The following CDH12 variants were observed in gnomAD, a reference collection of about 807,000 sequenced individuals.
CDH12 encodes the protein cadherin-12.
CDH12 carries 41 observed loss-of-function variants against 74.1 expected under a neutral mutation model. That is an observed-to-expected ratio of 0.55 (90% CI 0.43 to 0.72). The LOEUF (loss-of-function observed/expected upper bound fraction) is 0.72. Among genes scored for constraint, CDH12 ranks in the 30% least tolerant of loss-of-function variants. The pLI, the probability that CDH12 is intolerant of heterozygous loss-of-function variation, is 0.00. For missense variants in CDH12, 945 were observed against 977.2 expected (o/e 0.97, Z 0.44); for synonymous variants, 399 against 355.0 (o/e 1.12, Z -1.39).
chr5:22,689,944 C>A (rs963670893), intron 1 of CDH12, among the ~76,000 whole-genome samples: 2 of 151,820 alleles, frequency 1.3e-5, no homozygotes, highest in African/African-American at 4.8e-5. Context: ...TTTTTAACCC[C>A]AAATTTGAAT....
intron 5 of CDH12, among the ~76,000 whole-genome samples, chr5:21,996,717 CA>C (rs1736324616): frequency 6.6e-6 from 1 of 151,952 alleles, no homozygotes; most frequent in Non-Finnish European, 1.5e-5. Flanking sequence ...AAAAATAAAA[CA>C]AGTTTTGTTT....
intron 3 of CDH12, among the ~76,000 whole-genome samples, chr5:22,385,583 A>T (rs1741962544): frequency 6.6e-6 from 1 of 152,220 alleles, no homozygotes; most frequent in Non-Finnish European, 1.5e-5. Context: ...GTAATCATTA[A>T]AAGAAATGAG....
At chr5:21,799,000 A>G (rs950164623) in intron 10 of CDH12, among the ~76,000 whole-genome samples, 1 of 152,186 alleles carries the variant, frequency 6.6e-6, no homozygotes, top group Non-Finnish European at 1.5e-5. Context: ...GTTCAAGGAT[A>G]TTCTGTTAAA....
chr5:22,319,588 G>A (rs1738776611), intron 3 of CDH12, among the ~76,000 whole-genome samples: 1 of 152,124 alleles, frequency 6.6e-6, no homozygotes, highest in Non-Finnish European at 1.5e-5. Context: ...ATAAAATCAG[G>A]AGGTTCATCA....
chr5:22,642,278 T>C (rs555268959), intron 1 of CDH12, among the ~76,000 whole-genome samples: 6 of 152,284 alleles, frequency 3.9e-5, no homozygotes, highest in African/African-American at 1.2e-4. Context: ...TATAGAGACA[T>C]TTGATGTCCT....
chr5:22,652,062 T>G (rs562030050), intron 1 of CDH12, among the ~76,000 whole-genome samples: 1 of 152,074 alleles, frequency 6.6e-6, no homozygotes, highest in African/African-American at 2.4e-5. Context: ...ACTTCTAGGA[T>G]AGAATTCATA....
intron 3 of CDH12, among the ~76,000 whole-genome samples, chr5:22,265,183 C>T (rs189515309): frequency 6.6e-6 from 1 of 152,062 alleles, no homozygotes; most frequent in East Asian, 1.9e-4. Context: ...AAATGGGGTA[C>T]CCATTATGTA....
At chr5:22,047,060 C>T (rs1054423276) in intron 5 of CDH12, among the ~76,000 whole-genome samples, 1 of 152,158 alleles carries the variant, frequency 6.6e-6, no homozygotes, top group African/African-American at 2.4e-5. Flanking sequence ...ACTACTCAGT[C>T]ACAGTCTACA....
At position 22,035,046 on chromosome 5, in the gene CDH12, C is replaced by T. The variant is rs758130298; in HGVS notation, c.231+43400G>A. ...TGACATTATTTGAGGATCTGCTGTA[C>T]GTTTTTTCACTTCAAGTTGTGGTTT... On this transcript the variant is annotated intron_variant, in intron 5 of 14. Transcript: ENST00000382254. 4.6e-5 allele frequency among the ~76,000 whole-genome samples: 7 copies of T among 152,118 alleles called. No homozygotes were observed. In the South Asian group the frequency reaches 8.3e-4, roughly 18 times the overall value.
At chr5:21,919,083 C>G (rs967902898) in intron 6 of CDH12, among the ~76,000 whole-genome samples, 5 of 152,078 alleles carry the variant, frequency 3.3e-5, no homozygotes, top group African/African-American at 9.7e-5. Flanking sequence ...AATATGATAA[C>G]TGATATAAAT....
chr5:21,766,855 T>C (rs1340198389), intron 11 of CDH12, among the ~76,000 whole-genome samples: 1 of 151,880 alleles, frequency 6.6e-6, no homozygotes, highest in Non-Finnish European at 1.5e-5. Flanking sequence ...GCAACTATGA[T>C]ATAGGCATTA....
At chr5:21,891,063 A>G (rs1412919058) in intron 6 of CDH12, among the ~76,000 whole-genome samples, 1 of 152,092 alleles carries the variant, frequency 6.6e-6, no homozygotes, top group Non-Finnish European at 1.5e-5. Flanking sequence ...ATATGTCAAT[A>G]TATCTACCAC....
intron 8 of CDH12, among the ~76,000 whole-genome samples, chr5:21,831,782 T>C (rs927878507): frequency 2.0e-5 from 3 of 152,104 alleles, no homozygotes; most frequent in African/African-American, 7.2e-5. Flanking sequence ...TAGAAGAGCT[T>C]TCCAATTCAG....
At chr5:21,821,831 C>A (rs970430766) in intron 8 of CDH12, among the ~76,000 whole-genome samples, 2 of 151,836 alleles carry the variant, frequency 1.3e-5, no homozygotes, top group African/African-American at 4.8e-5. Context: ...TTCAAATGAT[C>A]CTGCATACTT....
intron 1 of CDH12, among the ~76,000 whole-genome samples, chr5:22,667,275 T>A (rs918088151): frequency 6.6e-6 from 1 of 152,208 alleles, no homozygotes; most frequent in Non-Finnish European, 1.5e-5. Flanking sequence ...GTAGAGATGG[T>A]AGTCCCTCTC....
chr5:22,686,686 T>TG (rs1235893824), intron 1 of CDH12, among the ~76,000 whole-genome samples: 1 of 152,280 alleles, frequency 6.6e-6, no homozygotes, highest in East Asian at 1.9e-4. Flanking sequence ...ATCAGTAGGA[T>TG]GGGGGTGATG....
intron 8 of CDH12, among the ~76,000 whole-genome samples, chr5:21,828,100 C>T (rs758479595): frequency 4.6e-5 from 7 of 151,408 alleles, no homozygotes; most frequent in Admixed American, 6.6e-5. Flanking sequence ...TAACACCTTA[C>T]AAAATAAGCT....
At chr5:22,846,623 T>C (rs571583720) in intron 1 of CDH12, among the ~76,000 whole-genome samples, 87 of 152,338 alleles carry the variant, frequency 5.7e-4, no homozygotes, top group Non-Finnish European at 1.1e-3. Flanking sequence ...TGAATTTTGA[T>C]GGATACTGTC....
Position 22,150,911 on chromosome 5 carries a change from C to T in CDH12, c.-187+61587G>A, listed in dbSNP as rs183660478. On this transcript the variant is annotated intron_variant, in intron 4 of 14. Coordinates refer to ENST00000382254, the MANE Select transcript of CDH12 (RefSeq NM_004061.5). ...GGCAGAGAAGGAATTTTAGACTCTC[C>T]GGCTCCCTCCACAAGGCACTATTGT... Among the ~76,000 whole-genome samples, 969 of 152,298 alleles carry T rather than the reference C, an allele frequency of 6.4e-3. 7 individuals are homozygous for T. Among genetic ancestry groups the T allele is most frequent in the African/African-American group, 0.022 (928 of 41,548 alleles).
Sources: gnomAD v4.1 joint callset for allele counts (sites outside exome capture counted in the v4.1 genomes callset) on GRCh38, gnomAD v4.1.1 for gene constraint, MANE v1.5 for transcripts, NCBI Gene and HGNC (gene_info 2026-07-23, HGNC 2026-07-21) for gene names.